Variants in UBE3C observed in about 807,000 individuals in gnomAD.
UBE3C encodes ubiquitin-protein ligase E3C.
A neutral mutation model predicts 129.4 loss-of-function variants in UBE3C; 42 were observed. The observed-to-expected ratio is 0.32, with a 90% CI of 0.25 to 0.42. The LOEUF is 0.42. UBE3C is among the 10% of genes least tolerant of loss of function. The probability of loss-of-function intolerance (pLI) is 1.00; values close to 1 mark genes in which losing one functional copy is unlikely to be tolerated. For missense variants in UBE3C, 1,049 were observed against 1,319.1 expected (o/e 0.80, Z 3.17); for synonymous variants, 510 against 492.4 (o/e 1.04, Z -0.47).
chr7:157,234,990 G>A (rs59571492), intron 18 of UBE3C, among the ~76,000 whole-genome samples: 50,348 of 151,980 alleles, frequency 0.33, 11,364 homozygotes, highest in African/African-American at 0.63. Context: ...TCGGGAGCTC[G>A]AGACCAGCCT....
intron 3 of UBE3C, 134 bp from the exon 4 acceptor site, chr7:157,170,170 A>G: frequency 1.7e-6 from 1 of 581,458 alleles, no homozygotes; most frequent in Non-Finnish European, 2.5e-6. Flanking sequence ...TTCAACTGTG[A>G]GCAAGGACCG....
At chr7:157,142,182 A>C (rs151038302) in intron 1 of UBE3C, among the ~76,000 whole-genome samples, 7 of 152,320 alleles carry the variant, frequency 4.6e-5, no homozygotes, top group Non-Finnish European at 8.8e-5. Flanking sequence ...TGACTGCCGC[A>C]TAAGTCCCTT....
At chr7:157,199,198 T>C (rs1397045548) in intron 10 of UBE3C, among the ~76,000 whole-genome samples, 2 of 152,210 alleles carry the variant, frequency 1.3e-5, no homozygotes, top group African/African-American at 4.8e-5. Context: ...ATTTCTCAAC[T>C]GAAGAGAAAA....
intron 22 of UBE3C, among the ~76,000 whole-genome samples, chr7:157,266,400 A>C (rs1797079831): frequency 6.6e-6 from 1 of 152,164 alleles, no homozygotes; most frequent in Admixed American, 6.5e-5. Flanking sequence ...TCAGATTCTA[A>C]ATTTGAATTT....
chr7:157,161,447 G>A (rs1471154371), intron 1 of UBE3C, among the ~76,000 whole-genome samples: 1 of 137,760 alleles, frequency 7.3e-6, no homozygotes, highest in Non-Finnish European at 1.5e-5. Flanking sequence ...TAATTTCTTT[G>A]ATTTTACTTT....
At chr7:157,187,197 A>G (rs1808831192) in intron 10 of UBE3C, among the ~76,000 whole-genome samples, 176 bp downstream of exon 10, 1 of 152,176 alleles carries the variant, frequency 6.6e-6, no homozygotes, top group Non-Finnish European at 1.5e-5. Flanking sequence ...TTCTAAACCA[A>G]CAAATACTGA....
intron 1 of UBE3C, among the ~76,000 whole-genome samples, chr7:157,146,410 CG>C (rs57309314): frequency 0.48 from 72,155 of 151,772 alleles, 19,764 homozygotes; most frequent in African/African-American, 0.77. Flanking sequence ...CTAGTACAGA[CG>C]GGGGTTTCAC....
chr7:157,215,455 TAGATA>T, intron 13 of UBE3C, among the ~76,000 whole-genome samples: 1 of 148,284 alleles, frequency 6.7e-6, no homozygotes, highest in Middle Eastern at 3.6e-3. Context: ...CAGTATAGAT[TAGATA>T]TATTATAAAT....
chr7:157,244,601 T>C (rs1796428847), intron 18 of UBE3C, among the ~76,000 whole-genome samples: 1 of 152,236 alleles, frequency 6.6e-6, no homozygotes, highest in Non-Finnish European at 1.5e-5. Flanking sequence ...TATTTTTTTA[T>C]TGATTCTTAA....
intron 18 of UBE3C, among the ~76,000 whole-genome samples, chr7:157,243,733 G>A (rs1393357202): frequency 1.3e-5 from 2 of 152,160 alleles, no homozygotes; most frequent in African/African-American, 4.8e-5. Flanking sequence ...GAAGATCTAG[G>A]ACTTGAAATG....
At chr7:157,198,195 T>G in intron 10 of UBE3C, 1 of 1,586,842 alleles carries the variant, frequency 6.3e-7, no homozygotes, top group Non-Finnish European at 8.7e-7. Flanking sequence ...ATTTTCTCCA[T>G]GCATATATTC....
intron 5 of UBE3C, among the ~76,000 whole-genome samples, chr7:157,175,429 A>G (rs763154064): frequency 1.6e-4 from 25 of 152,258 alleles, no homozygotes; most frequent in Middle Eastern, 6.8e-3. Flanking sequence ...TACACCTTTC[A>G]TCAGGCTTTT....
rs1309380249 is a variant in UBE3C, at chr7:157,139,255, A to T, written c.-18A>T. On this transcript the variant is annotated 5_prime_UTR_variant, in exon 1 of 23. It removes an upstream start codon present in the reference 5' UTR. Transcript: ENST00000348165. ...GCTTCCGCGGCGGCGCTGCCCGCACATGGGCTAGGCTGCCAGGATGTTCAG... is the reference window on the plus strand; with the variant it reads ...GCTTCCGCGGCGGCGCTGCCCGCACTTGGGCTAGGCTGCCAGGATGTTCAG... The T allele has an allele frequency of 1.3e-6, 2 of 1,515,370 alleles. No individual in the cohort carries two copies. The highest frequency in any genetic ancestry group is 1.8e-6 in the Non-Finnish European group (2 of 1,134,284). The allele number at this position is 1,515,370 out of a possible 1,614,324, so 93.9% of individuals were successfully genotyped here.
intron 1 of UBE3C, among the ~76,000 whole-genome samples, chr7:157,153,504 C>T (rs1172974005): frequency 6.6e-6 from 1 of 152,126 alleles, no homozygotes; most frequent in East Asian, 1.9e-4. Context: ...CGGCGTTGCC[C>T]AGGCTGGTCT....
rs1554438989 is a variant in UBE3C at position 157,254,400 on chromosome 7, T to TAA, written c.2950+90_2950+91insAA. ...TTTTATTTTATTTTAATTAATTTAT[T>TAA]TATTTTTTTTTTTTCAGACTGAGTT... On this transcript the variant is annotated intron_variant, in intron 21 of 22. Coordinates refer to ENST00000348165, the MANE Select transcript of UBE3C (RefSeq NM_014671.3). 7.4e-5 allele frequency: 57 copies of TAA among 769,904 alleles called. 3 individuals carry two copies. The highest frequency in any genetic ancestry group is 9.0e-5 in the Admixed American group (2 of 22,238). 47.7% of individuals were successfully genotyped at this position (769,904 alleles called of 1,614,324 possible).
At chr7:157,158,338 A>G (rs1807974488) in intron 1 of UBE3C, among the ~76,000 whole-genome samples, 1 of 152,080 alleles carries the variant, frequency 6.6e-6, no homozygotes. Flanking sequence ...GAAACCATGC[A>G]CTCATACTTT....
chr7:157,239,051 A>G (rs1164742921), intron 18 of UBE3C, among the ~76,000 whole-genome samples: 4 of 152,218 alleles, frequency 2.6e-5, no homozygotes, highest in African/African-American at 9.7e-5. Flanking sequence ...AGATGGGCTG[A>G]AAAGAATGTC....
intron 10 of UBE3C, among the ~76,000 whole-genome samples, chr7:157,187,984 CAAGTTAA>C (rs1432143383): frequency 2.6e-5 from 4 of 152,156 alleles, no homozygotes; most frequent in African/African-American, 9.7e-5. Flanking sequence ...ACAAAACCTG[CAAGTTAA>C]AAATATGGCC....
intron 19 of UBE3C, among the ~76,000 whole-genome samples, chr7:157,251,920 A>G (rs1301473574): frequency 6.6e-6 from 1 of 152,142 alleles, no homozygotes; most frequent in African/African-American, 2.4e-5. Flanking sequence ...AGATCATTTG[A>G]GGTCAGGAGT....
Sources: gnomAD v4.1 joint callset for allele counts (sites outside exome capture counted in the v4.1 genomes callset) on GRCh38, gnomAD v4.1.1 for gene constraint, MANE v1.5 for transcripts, NCBI Gene and HGNC (gene_info 2026-07-23, HGNC 2026-07-21) for gene names.